The following SOX5 variants were observed in gnomAD, a reference collection of about 807,000 sequenced individuals.
SOX5 encodes SRY-box transcription factor 5.
In SOX5, 9 loss-of-function variants were observed where a neutral mutation model predicts 92.0. The observed-to-expected ratio is 0.10, with a 90% CI of 0.06 to 0.17. The LOEUF is 0.17. SOX5 is among the 10% of genes least tolerant of loss of function. SOX5 has a pLI of 1.00. For missense variants in SOX5, 642 were observed against 944.5 expected, an observed-to-expected ratio of 0.68 and a Z score of 4.20; for synonymous variants, 344 against 336.3, an observed-to-expected ratio of 1.02 and a Z score of -0.25.
chr12:24,416,920 C>A (rs2136876421), intron 1 of SOX5, among the ~76,000 whole-genome samples: 1 of 152,264 alleles, frequency 6.6e-6, no homozygotes. Context: ...AGAAACCATG[C>A]TGCTTGACTT....
At chr12:23,980,683 C>G (rs181448819) in intron 4 of SOX5, among the ~76,000 whole-genome samples, 119 of 152,260 alleles carry the variant, frequency 7.8e-4, no homozygotes, top group African/African-American at 2.7e-3. Context: ...TCTTTCCCCC[C>G]TCTTCCGTTT....
intron 1 of SOX5, among the ~76,000 whole-genome samples, chr12:24,444,204 G>T (rs1336322064): frequency 2.0e-5 from 3 of 152,148 alleles, no homozygotes; most frequent in Middle Eastern, 3.4e-3. Context: ...AGTTAAAGGT[G>T]CATTTAAAGT....
At chr12:23,664,029 A>G (rs1383684884) in intron 7 of SOX5, among the ~76,000 whole-genome samples, 1 of 152,152 alleles carries the variant, frequency 6.6e-6, no homozygotes, top group African/African-American at 2.4e-5. Context: ...AGCACCACAC[A>G]TATGTGAATT....
rs367816298 is a variant in SOX5 at position 23,765,074 on chromosome 12, C to A, written c.482-9350G>T. On this transcript the variant is annotated intron_variant, in intron 3 of 14. Transcript: ENST00000451604. Reference sequence around the variant, plus strand: ...ATTTTTATGTTCTAATACATAGAATCAGATTTTAAAATTTAAAAAACCCTC... The same window carrying A: ...ATTTTTATGTTCTAATACATAGAATAAGATTTTAAAATTTAAAAAACCCTC... Among the ~76,000 whole-genome samples, 10 of 151,930 alleles carry A rather than the reference C, an allele frequency of 6.6e-5. No homozygotes were observed. In the East Asian group the frequency reaches 9.6e-4, roughly 15 times the overall value.
At chr12:23,623,650 T>C (rs2077432178) in intron 8 of SOX5, among the ~76,000 whole-genome samples, 1 of 152,128 alleles carries the variant, frequency 6.6e-6, no homozygotes, top group Non-Finnish European at 1.5e-5. Flanking sequence ...AATAATCTTA[T>C]TCACATTTCT....
intron 8 of SOX5, among the ~76,000 whole-genome samples, chr12:23,620,743 G>T (rs1245272395): frequency 6.6e-6 from 1 of 151,946 alleles, no homozygotes; most frequent in African/African-American, 2.4e-5. Context: ...TGACTTTTTT[G>T]ATCACAATAG....
At chr12:23,632,935 T>C (rs1182792097) in intron 8 of SOX5, among the ~76,000 whole-genome samples, 1 of 152,162 alleles carries the variant, frequency 6.6e-6, no homozygotes, top group African/African-American at 2.4e-5. Flanking sequence ...AATATTATTA[T>C]GAATTTTTAA....
chr12:24,280,349 G>C (rs1013299315), intron 2 of SOX5, among the ~76,000 whole-genome samples: 6 of 152,168 alleles, frequency 3.9e-5, no homozygotes, highest in African/African-American at 1.4e-4. Flanking sequence ...GGAGCACGCA[G>C]GTAGCTTCAA....
chr12:24,121,627 G>A (rs1210510852), intron 4 of SOX5, among the ~76,000 whole-genome samples: 8 of 138,740 alleles, frequency 5.8e-5, no homozygotes, highest in Non-Finnish European at 9.1e-5. Context: ...GGTGGCTCAC[G>A]CCTGTAATCC....
intron 1 of SOX5, among the ~76,000 whole-genome samples, chr12:24,413,733 A>G (rs1378514824): frequency 6.6e-6 from 1 of 152,234 alleles, no homozygotes; most frequent in Non-Finnish European, 1.5e-5. Context: ...CATCGATATT[A>G]TTGCAGACAC....
intron 3 of SOX5, among the ~76,000 whole-genome samples, chr12:23,801,073 G>A (rs1263451441): frequency 1.3e-5 from 2 of 152,090 alleles, no homozygotes; most frequent in Non-Finnish European, 2.9e-5. Flanking sequence ...TTCACAAAAC[G>A]CAGATGAGAA....
intron 3 of SOX5, among the ~76,000 whole-genome samples, chr12:24,242,327 T>C (rs751705862): frequency 6.6e-6 from 1 of 152,224 alleles, no homozygotes; most frequent in Non-Finnish European, 1.5e-5. Context: ...CTGATGAAAC[T>C]AATTTCTTGC....
At chr12:24,386,373 T>C (rs1271074779) in intron 1 of SOX5, among the ~76,000 whole-genome samples, 1 of 152,206 alleles carries the variant, frequency 6.6e-6, no homozygotes, top group African/African-American at 2.4e-5. Flanking sequence ...ATTTTACTTT[T>C]ATAGTACCTC....
At chr12:23,890,374 T>C (rs2097116827) in intron 2 of SOX5, among the ~76,000 whole-genome samples, 1 of 150,936 alleles carries the variant, frequency 6.6e-6, no homozygotes, top group Admixed American at 6.6e-5. Context: ...TTTTAAGGAA[T>C]CAAAAGAGAA....
At chr12:23,983,904 A>G (rs773117130) in intron 4 of SOX5, among the ~76,000 whole-genome samples, 4 of 152,176 alleles carry the variant, frequency 2.6e-5, no homozygotes, top group Non-Finnish European at 5.9e-5. Context: ...ACATGAAGCA[A>G]AATTAAAACA....
At chr12:24,010,365 G>A (rs1398910148) in intron 4 of SOX5, among the ~76,000 whole-genome samples, 1 of 152,136 alleles carries the variant, frequency 6.6e-6, no homozygotes, top group Non-Finnish European at 1.5e-5. Context: ...GAATATGTGT[G>A]TATGGAGGAA....
chr12:24,442,486 AAG>A (rs1388181458), intron 1 of SOX5, among the ~76,000 whole-genome samples: 2 of 152,190 alleles, frequency 1.3e-5, no homozygotes, highest in African/African-American at 4.8e-5. Context: ...TAAAGCAAAG[AAG>A]AGAGAGAGAT....
chr12:24,180,181 T>A lies in SOX5; in HGVS notation c.-2+33162A>T, dbSNP rs1593996381. ...TATGTTGCCCAGGCTGGTCTCAAAT[T>A]CCTAGGCTCAAGGCTCAAGGGATCC... On this transcript the variant is annotated intron_variant, in intron 4 of 4. Coordinates refer to the SOX5 transcript ENST00000446891. Among the ~76,000 whole-genome samples the A allele has an allele frequency of 2.0e-5, 3 of 152,186 alleles. No homozygotes were observed. In the East Asian group the frequency reaches 5.8e-4, roughly 29 times the overall value.
rs116711671 is a variant in SOX5 at position 23,609,353 on chromosome 12, T to C, written c.1018-4820A>G. Among the ~76,000 whole-genome samples the C allele has an allele frequency of 5.2e-3, 789 of 152,314 alleles. 8 individuals carry two copies. The highest frequency in any genetic ancestry group is 0.018 in the African/African-American group (758 of 41,582). ...TGAGAGCAATATATATGATGTTTTT[T>C]AGCCAGAATATTGATAAGACAGAAA... is the stretch of plus-strand genomic sequence containing the variant. On this transcript the variant is annotated intron_variant, in intron 8 of 14. Transcript: ENST00000451604.
Sources: allele counts gnomAD v4.1 joint callset (sites outside exome capture counted in the v4.1 genomes callset), GRCh38; gene constraint gnomAD v4.1.1; transcripts MANE v1.5; gene names NCBI Gene and HGNC (gene_info 2026-07-23, HGNC 2026-07-21).